EYA2: variants seen among roughly 807,000 people sequenced by gnomAD.
The protein encoded by EYA2 is EYA transcriptional coactivator and phosphatase 2, also known as protein phosphatase EYA2.
A neutral mutation model predicts 69.2 loss-of-function variants in EYA2; 31 were observed. The ratio of observed to expected loss-of-function variants is 0.45; its 90% confidence interval spans 0.34 to 0.60. The LOEUF is 0.60. EYA2 is among the 20% of genes least tolerant of loss of function. EYA2 has a pLI of 0.02. For missense variants in EYA2, 622 were observed against 701.2 expected (o/e 0.89, Z 1.28); for synonymous variants, 257 against 279.4 (o/e 0.92, Z 0.80).
intron 2 of EYA2, among the ~76,000 whole-genome samples, chr20:46,997,133 G>C (rs1982075993): frequency 6.6e-6 from 1 of 152,176 alleles, no homozygotes; most frequent in South Asian, 2.1e-4. Context: ...AGGTGAGAAG[G>C]ATGAAGCTGA....
intron 10 of EYA2, among the ~76,000 whole-genome samples, chr20:47,153,152 G>A (rs1397643403): frequency 1.3e-5 from 2 of 151,984 alleles, no homozygotes; most frequent in Non-Finnish European, 2.9e-5. Flanking sequence ...CTTGTGCACA[G>A]CATGATCCAG....
chr20:47,161,072 G>A, intron 10 of EYA2: 2 of 309,460 alleles, frequency 6.5e-6, no homozygotes, highest in South Asian at 3.7e-5. Context: ...AGCAGTCATA[G>A]ATACCCGCCA....
intron 1 of EYA2, among the ~76,000 whole-genome samples, chr20:46,910,332 A>G (rs1984581781): frequency 6.6e-6 from 1 of 152,194 alleles, no homozygotes; most frequent in African/African-American, 2.4e-5. Context: ...ACCAGGTCTT[A>G]TGAGAACTCT....
intron 1 of EYA2, among the ~76,000 whole-genome samples, chr20:46,903,277 C>T (rs916603349): frequency 2.0e-5 from 3 of 152,182 alleles, no homozygotes; most frequent in African/African-American, 7.2e-5. Flanking sequence ...GTTTGAGCAG[C>T]AGAATGGAAG....
At chr20:47,147,787 G>A (rs991018731) in intron 10 of EYA2, among the ~76,000 whole-genome samples, 2 of 152,188 alleles carry the variant, frequency 1.3e-5, no homozygotes, top group African/African-American at 2.4e-5. Flanking sequence ...GGCCTGGTGC[G>A]GTGGCTCACG....
Position 47,108,419 on chromosome 20 carries a change from G to A in EYA2, c.888+11251G>A, listed in dbSNP as rs139287696. Among the ~76,000 whole-genome samples, 47 of 152,284 alleles carry A rather than the reference G, an allele frequency of 3.1e-4. No individual in the cohort carries two copies. The East Asian group carries it at 7.9e-3, about 26-fold the overall frequency. On this transcript the variant is annotated intron_variant, in intron 9 of 15. Transcript: ENST00000327619. Reference sequence around the variant, plus strand: ...GAAGCAGCCTGAGGCCTCACCAGATGCAGATGCTGTTGCCATGCTTCTTGT... The same window carrying A: ...GAAGCAGCCTGAGGCCTCACCAGATACAGATGCTGTTGCCATGCTTCTTGT...
At chr20:47,151,401 T>C (rs936457970) in intron 10 of EYA2, among the ~76,000 whole-genome samples, 1 of 151,848 alleles carries the variant, frequency 6.6e-6, no homozygotes, top group Non-Finnish European at 1.5e-5. Flanking sequence ...TGAGCTATTA[T>C]GGACTGACCC....
chr20:47,175,083 G>T (rs2034400731), intron 12 of EYA2, among the ~76,000 whole-genome samples: 1 of 152,222 alleles, frequency 6.6e-6, no homozygotes, highest in African/African-American at 2.4e-5. Flanking sequence ...TTGTCAGGCT[G>T]CTCTGCTCAC....
At chr20:47,146,066 T>C (rs1212319645) in intron 10 of EYA2, among the ~76,000 whole-genome samples, 4 of 151,896 alleles carry the variant, frequency 2.6e-5, no homozygotes, top group Non-Finnish European at 5.9e-5. Flanking sequence ...ATAGACTAGA[T>C]GTGGAGGTTG....
chr20:47,187,070 T>G (rs1041082423), intron 15 of EYA2, among the ~76,000 whole-genome samples: 9 of 141,804 alleles, frequency 6.3e-5, no homozygotes, highest in East Asian at 6.1e-4. Context: ...AAAAAAAAAA[T>G]TAATGAAACG....
At chr20:47,113,989 G>T (rs1280104293) in intron 9 of EYA2, among the ~76,000 whole-genome samples, 1 of 152,092 alleles carries the variant, frequency 6.6e-6, no homozygotes, top group African/African-American at 2.4e-5. Flanking sequence ...TCCCTGACTT[G>T]CCTTTTTAGT....
intron 10 of EYA2, among the ~76,000 whole-genome samples, chr20:47,144,667 C>T (rs2033666206): frequency 6.6e-6 from 1 of 152,192 alleles, no homozygotes; most frequent in South Asian, 2.1e-4. Context: ...TCTTGGGCCT[C>T]AGTCTTCACA....
At chr20:46,987,964 C>CTCTCTCTCTCTATATATATATATATATA (rs1555809797) in intron 1 of EYA2, among the ~76,000 whole-genome samples, 1 of 11,280 alleles carries the variant, frequency 8.9e-5, no homozygotes, top group Non-Finnish European at 1.7e-4. Context: ...CTCTCTCTCT[C>CTCTCTCTCTCTATATATATATATATATA]TATATATATA....
chr20:47,119,279 G>A (rs755533595), intron 9 of EYA2, among the ~76,000 whole-genome samples: 6 of 152,218 alleles, frequency 3.9e-5, no homozygotes, highest in Non-Finnish European at 7.3e-5. Flanking sequence ...CAGGGAAATA[G>A]GAGGTGTCCC....
intron 11 of EYA2, among the ~76,000 whole-genome samples, chr20:47,171,040 G>A (rs2034309697): frequency 6.6e-6 from 1 of 152,222 alleles, no homozygotes. Flanking sequence ...AAGGAGCAAA[G>A]CTCCAGCCCC....
At chr20:47,156,137 T>C (rs750246646) in intron 10 of EYA2, among the ~76,000 whole-genome samples, 958 of 8,666 alleles carry the variant, frequency 0.11, 9 homozygotes, top group Non-Finnish European at 0.12. Flanking sequence ...CATATATATA[T>C]ATATATATAT....
intron 1 of EYA2, among the ~76,000 whole-genome samples, chr20:46,912,890 C>T (rs997718108): frequency 4.6e-5 from 7 of 150,860 alleles, no homozygotes; most frequent in South Asian, 2.1e-4. Context: ...TTAGTAGAGA[C>T]GGGGTTTCAC....
At chr20:46,911,993 CT>C (rs1348520473) in intron 1 of EYA2, among the ~76,000 whole-genome samples, 1 of 152,184 alleles carries the variant, frequency 6.6e-6, no homozygotes. Flanking sequence ...TCTAAATACC[CT>C]GATTTGATCA....
chr20:47,153,158 T>C (rs1480349195), intron 10 of EYA2, among the ~76,000 whole-genome samples: 5 of 152,038 alleles, frequency 3.3e-5, no homozygotes, highest in Non-Finnish European at 7.3e-5. Context: ...CACAGCATGA[T>C]CCAGGTTTCA....
Sources: allele counts gnomAD v4.1 joint callset (sites outside exome capture counted in the v4.1 genomes callset), GRCh38; gene constraint gnomAD v4.1.1; transcripts MANE v1.5; gene names NCBI Gene and HGNC (gene_info 2026-07-23, HGNC 2026-07-21).